DLC1: variants seen among roughly 807,000 people sequenced by gnomAD.
The protein encoded by DLC1 is rho GTPase-activating protein 7.
Under a neutral mutation model 140.3 loss-of-function variants are expected in DLC1, and 54 were observed. The ratio of observed to expected loss-of-function variants is 0.38; its 90% CI spans 0.31 to 0.48. The LOEUF is 0.48. Among genes scored for constraint, DLC1 ranks in the 20% least tolerant of loss-of-function variants. The probability of loss-of-function intolerance (pLI) is 0.96; values close to 1 mark genes in which losing one functional copy is unlikely to be tolerated. For synonymous variants in DLC1, 986 were observed against 728.1 expected (o/e 1.35, Z -5.70); for missense variants, 2,536 against 1,907.0 (o/e 1.33, Z -6.14).
intron 4 of DLC1, among the ~76,000 whole-genome samples, chr8:13,380,650 C>T (rs1358583025): frequency 6.6e-6 from 1 of 152,178 alleles, no homozygotes; most frequent in East Asian, 1.9e-4. Flanking sequence ...TCTCAGATGG[C>T]AGCAGAGATG....
chr8:13,586,619 AC>A (rs1805326881), intron 1 of DLC1, among the ~76,000 whole-genome samples: 1 of 151,204 alleles, frequency 6.6e-6, no homozygotes, highest in Non-Finnish European at 1.5e-5. Flanking sequence ...ACACACACAC[AC>A]ACACACCTGC....
intron 4 of DLC1, among the ~76,000 whole-genome samples, chr8:13,372,052 C>T (rs1022373952): frequency 1.1e-4 from 16 of 152,006 alleles, no homozygotes; most frequent in Admixed American, 7.2e-4. Flanking sequence ...ATCGGGGCAT[C>T]GTGCATGTGA....
intron 5 of DLC1, among the ~76,000 whole-genome samples, chr8:13,155,034 A>G (rs561786078): frequency 1.3e-5 from 2 of 152,208 alleles, no homozygotes; most frequent in African/African-American, 4.8e-5. Flanking sequence ...AATTACTGTC[A>G]TATCCTAGGC....
At chr8:13,234,263 T>C (rs977730863) in intron 5 of DLC1, among the ~76,000 whole-genome samples, 1 of 152,192 alleles carries the variant, frequency 6.6e-6, no homozygotes, top group Non-Finnish European at 1.5e-5. Flanking sequence ...GATCATGCTG[T>C]AGTTACTTTT....
At chr8:13,280,846 G>T (rs1831341006) in intron 5 of DLC1, among the ~76,000 whole-genome samples, 1 of 152,206 alleles carries the variant, frequency 6.6e-6, no homozygotes, top group Non-Finnish European at 1.5e-5. Context: ...TACCGTGTTT[G>T]GATCTGGGTC....
intron 2 of DLC1, among the ~76,000 whole-genome samples, chr8:13,489,309 T>C (rs1050064729): frequency 2.0e-5 from 3 of 151,712 alleles, no homozygotes; most frequent in Admixed American, 1.3e-4. Context: ...ACATACTTTC[T>C]CAGTTCTCTC....
upstream of DLC1, chr8:13,515,606 C>T (rs1257757652): frequency 1.3e-5 from 2 of 152,146 alleles, no homozygotes. Context: ...TCTCTAAAGC[C>T]GCTCATGGTA....
chr8:13,536,132 G>GC (rs1167790123), intron 1 of DLC1: 1 of 152,234 alleles, frequency 6.6e-6, no homozygotes, highest in Non-Finnish European at 1.5e-5. Flanking sequence ...GTGAACAGCA[G>GC]CTCCCCCTTG....
intron 7 of DLC1, among the ~76,000 whole-genome samples, 161 bp from the exon 8 acceptor site, chr8:13,103,014 A>T (rs1253464623): frequency 6.6e-6 from 1 of 152,230 alleles, no homozygotes; most frequent in African/African-American, 2.4e-5. Flanking sequence ...AAAGTGAGTC[A>T]TTTAAAAATA....
At chr8:13,355,245 G>C (rs76857956) in intron 4 of DLC1, among the ~76,000 whole-genome samples, 3 of 152,044 alleles carry the variant, frequency 2.0e-5, no homozygotes, top group East Asian at 3.9e-4. Flanking sequence ...CAACACCTAG[G>C]GGGGCTAAGG....
intron 2 of DLC1, among the ~76,000 whole-genome samples, chr8:13,477,038 A>G (rs1310955324): frequency 3.9e-5 from 6 of 152,142 alleles, no homozygotes; most frequent in Non-Finnish European, 5.9e-5. Context: ...CTTAGGGAAT[A>G]TGGACTCACT....
At chr8:13,134,615 A>G (rs1179407135) in intron 5 of DLC1, among the ~76,000 whole-genome samples, 3 of 152,180 alleles carry the variant, frequency 2.0e-5, no homozygotes, top group African/African-American at 4.8e-5. Flanking sequence ...GCGATATCTT[A>G]GTTTACATAC....
In DLC1 at chr8:13,378,069, CT is replaced by C. The variant is rs550051300; in HGVS notation, c.1314+15483del. Among the ~76,000 whole-genome samples, 146 of 146,704 alleles carry C rather than the reference CT, an allele frequency of 1.0e-3. 3 individuals are homozygous for C. Among genetic ancestry groups the C allele is most frequent in the African/African-American group, 3.4e-3 (137 of 40,340 alleles). ...CACTGATCTTTTTTTGGACATTATC[CT>C]TTTTTTTAAATTTTATTTTATTATT... On this transcript the variant is annotated intron_variant, in intron 4 of 17. Coordinates refer to ENST00000276297, the MANE Select transcript of DLC1 (RefSeq NM_182643.3).
chr8:13,086,639 G>C (rs867305940), intron 16 of DLC1, among the ~76,000 whole-genome samples, 176 bp from the exon 17 acceptor site: 1 of 152,186 alleles, frequency 6.6e-6, no homozygotes, highest in African/African-American at 2.4e-5. Context: ...GTGTACATGT[G>C]TTCCCCAAAA....
chr8:13,436,644 A>C (rs1037723680), intron 2 of DLC1, among the ~76,000 whole-genome samples: 6 of 152,212 alleles, frequency 3.9e-5, no homozygotes, highest in Non-Finnish European at 8.8e-5. Flanking sequence ...GACAATGCAG[A>C]AAACAGACGA....
At chr8:13,111,438 G>C (rs1396965845) in intron 6 of DLC1, among the ~76,000 whole-genome samples, 2 of 152,138 alleles carry the variant, frequency 1.3e-5, no homozygotes, top group Non-Finnish European at 2.9e-5. Context: ...AGTTGCTATA[G>C]AACAACAGAA....
At chr8:13,558,388 G>C (rs1585273024) in intron 1 of DLC1, 3 of 152,282 alleles carry the variant, frequency 2.0e-5, no homozygotes, top group Non-Finnish European at 2.9e-5. Context: ...TGTTCAATGA[G>C]GGAGAGGAAG....
At chr8:13,522,243 G>A (rs1802787018) in intron 1 of DLC1, among the ~76,000 whole-genome samples, 1 of 152,112 alleles carries the variant, frequency 6.6e-6, no homozygotes, top group Admixed American at 6.5e-5. Flanking sequence ...GAAGAAATCT[G>A]GGATGCCTCG....
intron 4 of DLC1, among the ~76,000 whole-genome samples, chr8:13,345,399 A>G (rs1198344918): frequency 6.6e-6 from 1 of 152,078 alleles, no homozygotes; most frequent in African/African-American, 2.4e-5. Context: ...CCTTGAATCA[A>G]TAGATAAAGG....
Sources: gnomAD v4.1 joint callset for allele counts (sites outside exome capture counted in the v4.1 genomes callset) on GRCh38, gnomAD v4.1.1 for gene constraint, MANE v1.5 for transcripts, NCBI Gene and HGNC (gene_info 2026-07-23, HGNC 2026-07-21) for gene names.